The following CLTCL1 variants were observed in gnomAD, a reference collection of about 807,000 sequenced individuals.
CLTCL1 encodes the protein clathrin heavy chain like 1, also known as clathrin heavy chain 2.
In CLTCL1, 159 loss-of-function variants were observed where a neutral mutation model predicts 190.0. The observed-to-expected ratio is 0.84, with a 90% CI of 0.74 to 0.95. The LOEUF (loss-of-function observed/expected upper bound fraction) is 0.95. CLTCL1 is among the 40% of genes least tolerant of loss of function. The pLI, the probability that CLTCL1 is intolerant of heterozygous loss-of-function variation, is 0.00. For synonymous variants in CLTCL1, 752 were observed against 769.6 expected (o/e 0.98, Z 0.38); for missense variants, 1,878 against 2,033.4 (o/e 0.92, Z 1.47).
chr22:19,244,018 A>G (rs1308396767), intron 3 of CLTCL1, among the ~76,000 whole-genome samples: 1 of 152,210 alleles, frequency 6.6e-6, no homozygotes, highest in Non-Finnish European at 1.5e-5. Flanking sequence ...TTTCTACTAA[A>G]GAATTTCAGT....
At chr22:19,212,037 T>A (rs1555947061) in intron 19 of CLTCL1, among the ~76,000 whole-genome samples, 3 of 152,130 alleles carry the variant, frequency 2.0e-5, no homozygotes, top group Non-Finnish European at 1.5e-5. Flanking sequence ...ATGACCTATA[T>A]GCCAAAAACT....
At chr22:19,228,725 T>G (rs189068909) in intron 11 of CLTCL1, among the ~76,000 whole-genome samples, 3 of 152,340 alleles carry the variant, frequency 2.0e-5, no homozygotes, top group Admixed American at 2.0e-4. Flanking sequence ...TCTTATCCAC[T>G]TAGTACCGTG....
chr22:19,268,328 T>C (rs376925427), intron 2 of CLTCL1, among the ~76,000 whole-genome samples: 72 of 152,326 alleles, frequency 4.7e-4, no homozygotes, highest in African/African-American at 1.6e-3. Context: ...AAATTTCTAT[T>C]CTTTATAGAT....
At chr22:19,255,950 T>C (rs1159738006) in intron 2 of CLTCL1, among the ~76,000 whole-genome samples, 4 of 147,996 alleles carry the variant, frequency 2.7e-5, no homozygotes, top group African/African-American at 7.5e-5. Context: ...ACCCAAAACA[T>C]AGCATTTTGG....
chr22:19,214,643 T>C (rs566568285), intron 19 of CLTCL1, among the ~76,000 whole-genome samples: 1 of 152,192 alleles, frequency 6.6e-6, no homozygotes, highest in African/African-American at 2.4e-5. Context: ...GTCATAAGTA[T>C]ATTCTTCCAA....
intron 2 of CLTCL1, among the ~76,000 whole-genome samples, chr22:19,275,329 T>C (rs362148): frequency 0.39 from 59,607 of 151,506 alleles, 12,697 homozygotes; most frequent in South Asian, 0.54. Flanking sequence ...ACAGCCTTCC[T>C]GGGAAACATG....
At chr22:19,242,358 C>T (rs2086282429) in intron 4 of CLTCL1, among the ~76,000 whole-genome samples, 1 of 151,724 alleles carries the variant, frequency 6.6e-6, no homozygotes, top group African/African-American at 2.4e-5. Flanking sequence ...GGTGCGATCT[C>T]GACTCACTGC....
intron 14 of CLTCL1, 41 bp downstream of exon 14, chr22:19,223,850 A>G: frequency 6.2e-7 from 1 of 1,610,170 alleles, no homozygotes; most frequent in East Asian, 2.2e-5. Context: ...ACCTGCCATC[A>G]GCAAGGGCAG....
chr22:19,212,588 A>AAAGAAAGAAAG (rs373765400), intron 19 of CLTCL1, among the ~76,000 whole-genome samples: 10,017 of 144,624 alleles, frequency 0.069, 430 homozygotes, highest in Middle Eastern at 0.16. Flanking sequence ...AAAGAAAGAG[A>AAAGAAAGAAAG]AAGAAAGAAA....
At chr22:19,225,307 G>C in intron 13 of CLTCL1, 146 bp downstream of exon 13, 1 of 735,420 alleles carries the variant, frequency 1.4e-6, no homozygotes, top group South Asian at 2.1e-5. Context: ...GTAGCATTCT[G>C]CCACCGACTG....
At chr22:19,239,950 T>TC (rs1355591629) in intron 4 of CLTCL1, among the ~76,000 whole-genome samples, 1 of 122,308 alleles carries the variant, frequency 8.2e-6, no homozygotes, top group African/African-American at 2.9e-5. Flanking sequence ...TTTTTCTTCT[T>TC]TTTTTTTTTT....
At position 19,183,521 on chromosome 22, in the gene CLTCL1, A is replaced by G. The variant is rs1471677087; in HGVS notation, c.4696T>C (p.Phe1566Leu). The stretch of plus-strand genomic sequence containing the variant: ...TAGCAGGTGAAGAGACAAGCTGCGA[A>G]GCACTCCCTCTTGCCTTCCTCCAGG... The part of the protein sequence containing the change: ...WFLEEGKREC[F>L]AACLFTCYDL... Residue 1566 changes from phenylalanine to leucine, a missense_variant, in exon 30 of 33, where the codon TTC becomes CTC. By Grantham distance (22) the Phe-to-Leu change is conservative. Transcript: ENST00000427926. 1.9e-6 allele frequency: 3 copies of G among 1,613,704 alleles called. No individual in the cohort carries two copies. The highest frequency in any genetic ancestry group is 2.5e-6 in the Non-Finnish European group (3 of 1,179,894).
At chr22:19,258,738 AC>A in intron 2 of CLTCL1, 1 of 693,398 alleles carries the variant, frequency 1.4e-6, no homozygotes, top group South Asian at 1.4e-5. Flanking sequence ...CCAAAAGACC[AC>A]CACCTGCAGG....
chr22:19,201,452 G>C lies in CLTCL1; in HGVS notation c.3642C>G (p.Ala1214=), dbSNP rs376291519. 8.7e-6 allele frequency: 14 copies of C among 1,613,700 alleles called. No homozygotes were observed. In the African/African-American group the frequency reaches 1.7e-4, roughly 20 times the overall value. Residue 1214 remains alanine (A), a synonymous_variant, in exon 23 of 33, where the codon GCC becomes GCG. Transcript: ENST00000427926. ...RCYEEGMYEA[A]KLLYSNVSNF... is the part of the protein sequence containing the mutation. ...TAGAAACATTGCTATAGAGCAGCTT[G>C]GCAGCCTCGTACATTCCCTCCTCGT... is the stretch of plus-strand genomic sequence containing the variant.
chr22:19,245,756 C>T (rs1014179422), intron 3 of CLTCL1, among the ~76,000 whole-genome samples: 6 of 152,168 alleles, frequency 3.9e-5, no homozygotes, highest in Non-Finnish European at 7.4e-5. Context: ...AATGGAATAA[C>T]AATAAAATAT....
At position 19,254,093 on chromosome 22, in the gene CLTCL1, G is replaced by A. The variant is rs1459453956; in HGVS notation, c.385C>T (p.His129Tyr). The stretch of plus-strand genomic sequence containing the variant: ...TGGGAGTCACCTTCCATGCTCCAGT[G>A]GTAGACCGCGGTCTCGGTCACCAAG... ...VALVTETAVY[H>Y]WSMEGDSQPM... The change falls in exon 3 of 33, where the codon CAC becomes TAC. Residue 129 changes from histidine to tyrosine, a missense_variant. Physicochemically the swap from His to Tyr is moderately conservative, Grantham distance 83. Transcript: ENST00000427926. 14 of 1,612,604 alleles carry A rather than the reference G, an allele frequency of 8.7e-6. No individual in the cohort carries two copies. Among genetic ancestry groups the A allele is most frequent in the Non-Finnish European group, 1.2e-5 (14 of 1,179,256 alleles).
intron 11 of CLTCL1, among the ~76,000 whole-genome samples, chr22:19,228,902 G>C (rs1286562188): frequency 1.3e-5 from 2 of 152,182 alleles, no homozygotes; most frequent in African/African-American, 4.8e-5. Context: ...CATTAAGATG[G>C]TGATTACTAT....
intron 16 of CLTCL1, 51 bp downstream of exon 16, chr22:19,221,900 C>T (rs1264421508): frequency 6.3e-7 from 1 of 1,594,380 alleles, no homozygotes; most frequent in South Asian, 1.1e-5. Flanking sequence ...GAAACAACAA[C>T]AGACACTAGA....
In CLTCL1 at chr22:19,253,018, A is replaced by G. The variant is rs1601653719; in HGVS notation, c.519+941T>C. Among the ~76,000 whole-genome samples, 25 of 151,900 alleles carry G rather than the reference A, an allele frequency of 1.6e-4. No individual in the cohort carries two copies. The South Asian group carries it at 5.0e-3, about 30-fold the overall frequency. On this transcript the variant is annotated intron_variant, in intron 3 of 32. Coordinates refer to ENST00000427926, the MANE Select transcript of CLTCL1 (RefSeq NM_007098.4). Reference sequence around the variant, plus strand: ...GACAGAGTAAGACTCCGTCTCAAAAAAAAAAAAAAAAAAAGGGAGGACAAA... The same window carrying G: ...GACAGAGTAAGACTCCGTCTCAAAAGAAAAAAAAAAAAAAGGGAGGACAAA...
Sources: allele counts gnomAD v4.1 joint callset (sites outside exome capture counted in the v4.1 genomes callset), GRCh38; gene constraint gnomAD v4.1.1; transcripts MANE v1.5; gene names NCBI Gene and HGNC (gene_info 2026-07-23, HGNC 2026-07-21).